The following MARCHF6 variants were observed in gnomAD, a reference collection of about 807,000 sequenced individuals.
MARCHF6 encodes E3 ubiquitin-protein ligase MARCHF6.
Under a neutral mutation model 133.7 loss-of-function variants are expected in MARCHF6, and 31 were observed. The ratio of observed to expected loss-of-function variants is 0.23; its 90% CI spans 0.17 to 0.31. The LOEUF is 0.31. MARCHF6 is among the 10% of genes least tolerant of loss of function. The probability of loss-of-function intolerance (pLI) is 1.00; values close to 1 mark genes in which losing one functional copy is unlikely to be tolerated. For synonymous variants in MARCHF6, 395 were observed against 402.5 expected (o/e 0.98, Z 0.22); for missense variants, 723 against 1,121.6 (o/e 0.64, Z 5.08).
At chr5:10,367,359 G>C (rs1277230392) in intron 1 of MARCHF6, among the ~76,000 whole-genome samples, 1 of 152,190 alleles carries the variant, frequency 6.6e-6, no homozygotes, top group East Asian at 1.9e-4. Context: ...TAATAGTAGG[G>C]GATATTGTGT....
intron 22 of MARCHF6, among the ~76,000 whole-genome samples, chr5:10,422,896 T>G (rs1739898693): frequency 1.3e-5 from 2 of 152,086 alleles, no homozygotes; most frequent in South Asian, 2.1e-4. Context: ...TGGTTATTGC[T>G]GGGGAGGGAT....
chr5:10,405,589 G>A lies in MARCHF6; in HGVS notation c.1364G>A (p.Arg455Lys). The stretch of plus-strand genomic sequence containing the variant: ...CGACCTGGTGTCCTGTGGTTTCTAA[G>A]GAATTTGAATGATCCAGATTTCAAT... Reference protein sequence around the residue: ...VLRPGVLWFLRNLNDPDFNPV... With the variant: ...VLRPGVLWFLKNLNDPDFNPV... The change falls in exon 16 of 26, where the codon AGG becomes AAG. Residue 455 changes from arginine (R) to lysine (K), a missense_variant. Around this residue, in one of 4 missense-constraint regions of MARCHF6, gnomAD observed 492 missense variants for 699.5 expected, o/e 0.70. Transcript: ENST00000274140. The A allele has an allele frequency of 6.2e-7, 1 of 1,609,188 alleles. No individual in the cohort carries two copies. The highest frequency in any genetic ancestry group is 8.5e-7 in the Non-Finnish European group (1 of 1,178,438).
At chr5:10,418,601 C>T (rs929084553) in intron 22 of MARCHF6, among the ~76,000 whole-genome samples, 1 of 152,140 alleles carries the variant, frequency 6.6e-6, no homozygotes, top group Non-Finnish European at 1.5e-5. Context: ...TTGTTTTTAT[C>T]TGTTAGTATA....
chr5:10,358,114 G>A (rs1482693841), intron 1 of MARCHF6, among the ~76,000 whole-genome samples: 3 of 152,066 alleles, frequency 2.0e-5, no homozygotes, highest in African/African-American at 7.2e-5. Flanking sequence ...GAAGGAGTTA[G>A]CCATGCAGAT....
At chr5:10,355,344 G>A (rs563729928) in intron 1 of MARCHF6, among the ~76,000 whole-genome samples, 16 of 152,280 alleles carry the variant, frequency 1.1e-4, no homozygotes, top group Middle Eastern at 3.4e-3. Flanking sequence ...TTAGATTCAG[G>A]TTTTAATGAG....
intron 1 of MARCHF6, among the ~76,000 whole-genome samples, chr5:10,369,418 CTTCT>C (rs746333259): frequency 5.3e-5 from 8 of 151,952 alleles, no homozygotes; most frequent in Admixed American, 1.3e-4. Flanking sequence ...TCATGTCATC[CTTCT>C]TTCTTATTTG....
intron 19 of MARCHF6, among the ~76,000 whole-genome samples, chr5:10,413,825 T>C (rs967006427): frequency 3.3e-5 from 5 of 152,190 alleles, no homozygotes; most frequent in African/African-American, 7.2e-5. Flanking sequence ...CACCTGGCCC[T>C]TCCCTTGACA....
chr5:10,401,884 CAGTG>C (rs974402352), intron 11 of MARCHF6, 171 bp from the exon 12 acceptor site: 1 of 591,104 alleles, frequency 1.7e-6, no homozygotes, highest in African/African-American at 1.9e-5. Flanking sequence ...ATATAACAGT[CAGTG>C]AGAGAATTTG....
At position 10,381,747 on chromosome 5, in the gene MARCHF6, T is replaced by G. The variant is rs550179598; in HGVS notation, c.191-53T>G. The G allele has an allele frequency of 7.5e-5, 101 of 1,353,074 alleles. 1 individual carries two copies. The South Asian group carries it at 1.0e-3, about 14-fold the overall frequency. The allele number at this position is 1,353,074 out of a possible 1,614,324, so 83.8% of individuals were successfully genotyped here. A position where few individuals can be genotyped will look rare whatever the true frequency, so the allele number is the denominator to read the frequency against. On this transcript the variant is annotated intron_variant, in intron 3 of 25. Transcript: ENST00000274140. Reference sequence around the variant, plus strand: ...TAATGTCTATTTTATATTTATGAATTAAGCTATTTTCGAATCTTCATGAAA... The same window carrying G: ...TAATGTCTATTTTATATTTATGAATGAAGCTATTTTCGAATCTTCATGAAA...
chr5:10,410,394 A>G (rs1236118014), intron 18 of MARCHF6, 118 bp downstream of exon 18: 3 of 1,215,608 alleles, frequency 2.5e-6, no homozygotes, highest in Non-Finnish European at 3.3e-6. Context: ...ATAAGAGACA[A>G]TTTAGTAATA....
At chr5:10,366,604 T>C (rs1736153145) in intron 1 of MARCHF6, among the ~76,000 whole-genome samples, 1 of 151,986 alleles carries the variant, frequency 6.6e-6, no homozygotes, top group South Asian at 2.1e-4. Flanking sequence ...AAGAAACTTT[T>C]AAAGGAAGAA....
In MARCHF6 at chr5:10,436,040, GT is replaced by G; in HGVS notation, c.*2362del. ...GCCAACTTGATTATATTAATTTTGG[GT>G]TTTTTGTTTTGTTTTGTTTTGTTTT... On this transcript the variant is annotated 3_prime_UTR_variant, in exon 26 of 26. Transcript: ENST00000274140. 6.7e-6 allele frequency: 1 copy of G among 149,968 alleles called. No homozygotes were observed. The highest frequency in any genetic ancestry group is 1.5e-5 in the Non-Finnish European group (1 of 68,206). 9.3% of individuals were successfully genotyped at this position (149,968 alleles called of 1,614,324 possible).
intron 25 of MARCHF6, 75 bp downstream of exon 25, chr5:10,430,103 A>C (rs1407057495): frequency 1.3e-6 from 2 of 1,489,938 alleles, no homozygotes; most frequent in African/African-American, 2.8e-5. Context: ...GTGACAAATC[A>C]TAGGAGGGAA....
chr5:10,404,615 C>T (rs149545767), intron 15 of MARCHF6, among the ~76,000 whole-genome samples: 11 of 152,170 alleles, frequency 7.2e-5, no homozygotes, highest in South Asian at 2.1e-4. Context: ...TACACGGAGA[C>T]GGGTGATGGA....
chr5:10,368,378 A>G (rs745725435), intron 1 of MARCHF6, among the ~76,000 whole-genome samples: 1 of 152,084 alleles, frequency 6.6e-6, no homozygotes, highest in Non-Finnish European at 1.5e-5. Context: ...CACACCTATA[A>G]TACTGGCAGT....
chr5:10,377,666 C>A, intron 1 of MARCHF6, 132 bp from the exon 2 acceptor site: 1 of 573,056 alleles, frequency 1.7e-6, no homozygotes, highest in Non-Finnish European at 3.2e-6. Context: ...ACTTTCAGTT[C>A]TCCGTACTAT....
rs772089808 is a variant in MARCHF6, at chr5:10,426,448, C to T, written c.2432C>T (p.Ala811Val). Residue 811 changes from alanine (A) to valine (V), a missense_variant, in exon 24 of 26, where the codon GCT becomes GTT. Transcript: ENST00000274140. ...CACTATATTGTTCGTAAACTGGCAG[C>T]TCCCGTGATCTCTGTGCTGTTGCTT... is the stretch of plus-strand genomic sequence containing the variant. Reference protein sequence around the residue: ...DLHYIVRKLAAPVISVLLLSL... With the variant: ...DLHYIVRKLAVPVISVLLLSL... 7 of 1,614,014 alleles carry T rather than the reference C, an allele frequency of 4.3e-6. No homozygotes were observed. The highest frequency in any genetic ancestry group is 1.3e-5 in the African/African-American group (1 of 74,932).
chr5:10,367,175 C>G (rs918302092), intron 1 of MARCHF6, among the ~76,000 whole-genome samples: 19 of 152,076 alleles, frequency 1.2e-4, no homozygotes, highest in South Asian at 8.3e-4. Flanking sequence ...AGAGACTGCC[C>G]GAGCCCAGAG....
intron 22 of MARCHF6, among the ~76,000 whole-genome samples, chr5:10,422,622 A>G (rs749875780): frequency 6.6e-6 from 1 of 152,148 alleles, no homozygotes; most frequent in Non-Finnish European, 1.5e-5. Context: ...TATCAGGGTG[A>G]AGATTGATAT....
Sources: gnomAD v4.1 joint callset for allele counts (sites outside exome capture counted in the v4.1 genomes callset) on GRCh38, gnomAD v4.1.1 for gene constraint, gnomAD v4.1.1 regional missense constraint, MANE v1.5 for transcripts, NCBI Gene and HGNC (gene_info 2026-07-23, HGNC 2026-07-21) for gene names.